CCDC85A: variants seen among roughly 807,000 people sequenced by gnomAD.
The protein encoded by CCDC85A is coiled-coil domain containing 85A, also known as coiled-coil domain-containing protein 85A.
A neutral mutation model predicts 50.2 loss-of-function variants in CCDC85A; 38 were observed. The ratio of observed to expected loss-of-function variants is 0.76; its 90% confidence interval spans 0.58 to 0.99. The LOEUF (loss-of-function observed/expected upper bound fraction) is 0.99, where lower values mean the gene tolerates loss of function less well. CCDC85A is among the 50% of genes least tolerant of loss of function. The pLI is 0.00. For missense variants in CCDC85A, 820 were observed against 742.0 expected, an observed-to-expected ratio of 1.11 and a Z score of -1.22; for synonymous variants, 366 against 301.4, an observed-to-expected ratio of 1.21 and a Z score of -2.22.
chr2:56,305,860 A>G (rs1265752192), intron 2 of CCDC85A, among the ~76,000 whole-genome samples: 1 of 152,222 alleles, frequency 6.6e-6, no homozygotes, highest in Non-Finnish European at 1.5e-5. Context: ...TTAATAATCA[A>G]GTTCTCCTGC....
intron 2 of CCDC85A, among the ~76,000 whole-genome samples, chr2:56,331,839 A>T (rs1673814677): frequency 6.6e-6 from 1 of 152,354 alleles, no homozygotes; most frequent in African/African-American, 2.4e-5. Flanking sequence ...TTATAATTAT[A>T]CAGGGCAACA....
intron 2 of CCDC85A, among the ~76,000 whole-genome samples, chr2:56,299,646 G>C (rs1430023850): frequency 6.6e-6 from 1 of 152,132 alleles, no homozygotes; most frequent in African/African-American, 2.4e-5. Context: ...GGGCATTCCA[G>C]CTGCTGGAAT....
chr2:56,245,559 C>G (rs184511898), intron 2 of CCDC85A, among the ~76,000 whole-genome samples: 1 of 152,158 alleles, frequency 6.6e-6, no homozygotes, highest in African/African-American at 2.4e-5. Context: ...TGCTTTTTTG[C>G]ATAGATAGTT....
chr2:56,362,969 T>C (rs1202236683), intron 3 of CCDC85A, among the ~76,000 whole-genome samples: 1 of 152,136 alleles, frequency 6.6e-6, no homozygotes, highest in Non-Finnish European at 1.5e-5. Context: ...ATTTTGGGAC[T>C]TACTTCAATG....
At chr2:56,342,774 C>A (rs1290478772) in intron 2 of CCDC85A, 105 bp from the exon 3 acceptor site, 1 of 625,346 alleles carries the variant, frequency 1.6e-6, no homozygotes. Flanking sequence ...AAATAACAGA[C>A]TAAATAGTCA....
intron 2 of CCDC85A, among the ~76,000 whole-genome samples, chr2:56,313,932 G>A (rs1672806666): frequency 6.6e-6 from 1 of 151,846 alleles, no homozygotes; most frequent in African/African-American, 2.4e-5. Flanking sequence ...GTGATACCAG[G>A]AGATAGTGTT....
intron 3 of CCDC85A, among the ~76,000 whole-genome samples, chr2:56,360,038 T>C (rs1466219761): frequency 2.0e-5 from 3 of 152,296 alleles, no homozygotes; most frequent in South Asian, 2.1e-4. Flanking sequence ...CCAGGACTGA[T>C]TGACATCAGA....
intron 2 of CCDC85A, among the ~76,000 whole-genome samples, chr2:56,236,938 A>G (rs940956315): frequency 2.6e-5 from 4 of 152,144 alleles, no homozygotes; most frequent in African/African-American, 9.7e-5. Flanking sequence ...CCCTGTAAGA[A>G]TGATGATTCT....
intron 3 of CCDC85A, among the ~76,000 whole-genome samples, chr2:56,370,462 G>C (rs1340570363): frequency 6.6e-6 from 1 of 151,998 alleles, no homozygotes; most frequent in African/African-American, 2.4e-5. Context: ...GGTTCTAAAA[G>C]AGTGCCTTTT....
At chr2:56,233,914 C>A (rs1668885275) in intron 2 of CCDC85A, among the ~76,000 whole-genome samples, 1 of 152,078 alleles carries the variant, frequency 6.6e-6, no homozygotes, top group South Asian at 2.1e-4. Context: ...TCCCTAATTT[C>A]TGTCAGAAAG....
At chr2:56,185,042 C>G (rs1675947965) in intron 1 of CCDC85A, 142 bp downstream of exon 1, 1 of 1,031,514 alleles carries the variant, frequency 9.7e-7, no homozygotes, top group Non-Finnish European at 1.3e-6. Flanking sequence ...ACCCCCAGTC[C>G]CCAGCCCCTG....
At chr2:56,274,589 T>TA (rs1490446005) in intron 2 of CCDC85A, among the ~76,000 whole-genome samples, 1 of 152,196 alleles carries the variant, frequency 6.6e-6, no homozygotes, top group Non-Finnish European at 1.5e-5. Flanking sequence ...CTGCTTCACT[T>TA]AAAATCTATG....
At chr2:56,365,701 C>T (rs1221730269) in intron 3 of CCDC85A, among the ~76,000 whole-genome samples, 3 of 152,110 alleles carry the variant, frequency 2.0e-5, no homozygotes, top group Non-Finnish European at 2.9e-5. Flanking sequence ...TATTAGACAT[C>T]GTGGAATGAC....
At chr2:56,283,402 A>G (rs1371231573) in intron 2 of CCDC85A, among the ~76,000 whole-genome samples, 1 of 152,154 alleles carries the variant, frequency 6.6e-6, no homozygotes, top group Non-Finnish European at 1.5e-5. Context: ...TTACACTAAA[A>G]TGTGTTACAC....
At chr2:56,305,779 A>G (rs1221719995) in intron 2 of CCDC85A, among the ~76,000 whole-genome samples, 3 of 152,220 alleles carry the variant, frequency 2.0e-5, no homozygotes, top group Non-Finnish European at 2.9e-5. Context: ...AAGTGGACAC[A>G]TTGGCTTTGA....
intron 2 of CCDC85A, among the ~76,000 whole-genome samples, chr2:56,276,291 T>TTTTTA: frequency 6.6e-6 from 1 of 152,318 alleles, no homozygotes; most frequent in East Asian, 1.9e-4. Flanking sequence ...GCTTACTGGC[T>TTTTTA]TTTTATTTTG....
intron 2 of CCDC85A, among the ~76,000 whole-genome samples, chr2:56,255,796 AAT>A (rs1669958941): frequency 6.6e-6 from 1 of 152,180 alleles, no homozygotes; most frequent in Non-Finnish European, 1.5e-5. Flanking sequence ...GATAGAGGAG[AAT>A]AAATCCTGAA....
At chr2:56,331,828 G>A (rs1324496917) in intron 2 of CCDC85A, among the ~76,000 whole-genome samples, 3 of 152,106 alleles carry the variant, frequency 2.0e-5, no homozygotes, top group East Asian at 1.9e-4. Flanking sequence ...TTCAGCCTTC[G>A]TTATAATTAT....
chr2:56,310,087 A>G (rs1672622431), intron 2 of CCDC85A, among the ~76,000 whole-genome samples: 1 of 152,186 alleles, frequency 6.6e-6, no homozygotes, highest in Non-Finnish European at 1.5e-5. Context: ...TACTTTCTCC[A>G]GGTCTCGTCC....
Sources: gnomAD v4.1 joint callset for allele counts (sites outside exome capture counted in the v4.1 genomes callset) on GRCh38, gnomAD v4.1.1 for gene constraint, MANE v1.5 for transcripts, NCBI Gene and HGNC (gene_info 2026-07-23, HGNC 2026-07-21) for gene names.